MAP3K10: variants seen among roughly 807,000 people sequenced by gnomAD.
MAP3K10 encodes the protein mitogen-activated protein kinase kinase kinase 10.
A neutral mutation model predicts 75.0 loss-of-function variants in MAP3K10; 22 were observed. The observed-to-expected ratio is 0.29, with a 90% CI of 0.21 to 0.42. The LOEUF is 0.42. Among genes scored for constraint, MAP3K10 ranks in the 10% least tolerant of loss-of-function variants. The pLI is 1.00. For missense variants in MAP3K10, 1,165 were observed against 1,379.8 expected (o/e 0.84, Z 2.47); for synonymous variants, 599 against 612.9 (o/e 0.98, Z 0.34).
rs1236863075 is a variant in MAP3K10 at position 40,213,761 on chromosome 19, G to A, written c.2082G>A (p.Ala694=). ...AVGLGADVAE[A]RAADGEEQRR... is the part of the protein sequence containing the mutation. ...GCCTGGGCGCCGACGTGGCCGAGGC[G>A]CGCGCGGCCGACGGTGAGGAGCAGC... Residue 694 remains alanine (A), a synonymous_variant, in exon 9 of 10, where the codon GCG becomes GCA. Coordinates refer to ENST00000253055, the MANE Select transcript of MAP3K10 (RefSeq NM_002446.4). The surrounding 1 kb of genome is among the most constrained non-coding windows in gnomAD (Gnocchi z 5.7). The A allele has an allele frequency of 3.2e-5, 36 of 1,129,844 alleles. No homozygotes were observed. Among genetic ancestry groups the A allele is most frequent in the Non-Finnish European group, 3.9e-5 (36 of 919,916 alleles). 70.0% of individuals were successfully genotyped at this position (1,129,844 alleles called of 1,614,324 possible). A position where few individuals can be genotyped will look rare whatever the true frequency, so the allele number is the denominator to read the frequency against.
At position 40,209,219 on chromosome 19, in the gene MAP3K10, C is replaced by G. The variant is rs371759263; in HGVS notation, c.1552C>G (p.Leu518Val). 6.2e-7 allele frequency: 1 copy of G among 1,613,034 alleles called. No homozygotes were observed. The highest frequency in any genetic ancestry group is 1.7e-5 in the Admixed American group (1 of 60,000). The change falls in exon 6 of 10, where the codon CTG becomes GTG. Residue 518 changes from leucine to valine, a missense_variant and splice_region_variant. Leu to Val is a conservative substitution (Grantham distance 32, BLOSUM62 1). Transcript: ENST00000253055. ...SIIPRLRAIR[L>V]TPVDCGGSSS... is the part of the protein sequence containing the mutation. ...CATCCCCCGGCTGAGGGCCATTCGC[C>G]GTGAGTATCTCCCAAGGCCCTGACC...
At chr19:40,194,905 G>A (rs1444751785) in intron 1 of MAP3K10, among the ~76,000 whole-genome samples, 1 of 152,182 alleles carries the variant, frequency 6.6e-6, no homozygotes, top group Non-Finnish European at 1.5e-5. Context: ...AGTATCAGGG[G>A]CTCTCAGTGG....
rs1973295427 is a variant in MAP3K10, at chr19:40,213,981, G to A, written c.2302G>A (p.Glu768Lys). 3.9e-6 allele frequency: 6 copies of A among 1,531,414 alleles called. No homozygotes were observed. Among genetic ancestry groups the A allele is most frequent in the Admixed American group, 2.0e-5 (1 of 50,878 alleles). The allele number at this position is 1,531,414 out of a possible 1,614,324, so 94.9% of individuals were successfully genotyped here. A position where few individuals can be genotyped will look rare whatever the true frequency, so the allele number is the denominator to read the frequency against. Residue 768 changes from glutamate (E) to lysine (K), a missense_variant, in exon 9 of 10, where the codon GAG becomes AAG. Transcript: ENST00000253055. This position sits in a 1 kb window ranked among gnomAD's most constrained non-coding sequence, Gnocchi z 5.7. ...TRSLLRSDSDEAAPAAPSPPP... is the reference protein window; with the variant it reads ...TRSLLRSDSDKAAPAAPSPPP... ...TTCACTGCTGCGCTCTGACAGTGAC[G>A]AGGCCGCACCGGCCGCGCCCTCCCC...
rs1360968183 is a variant in MAP3K10, at chr19:40,209,363, C to G, written c.1552+144C>G. 5.5e-5 allele frequency: 31 copies of G among 561,434 alleles called. No individual in the cohort carries two copies. In the Admixed American group the frequency reaches 9.6e-4, roughly 17 times the overall value. 34.8% of individuals were successfully genotyped at this position (561,434 alleles called of 1,614,324 possible). On this transcript the variant is annotated intron_variant, in intron 6 of 9. Transcript: ENST00000253055. Reference sequence around the variant, plus strand: ...TTTTCCTCATTCTTATCACAGGAAACAGATAGTAAACAAATAAGTCAGTAA... The same window carrying G: ...TTTTCCTCATTCTTATCACAGGAAAGAGATAGTAAACAAATAAGTCAGTAA...
At chr19:40,210,160 G>T (rs768060231) in intron 6 of MAP3K10, among the ~76,000 whole-genome samples, 73 of 152,278 alleles carry the variant, frequency 4.8e-4, no homozygotes, top group Non-Finnish European at 9.0e-4. Flanking sequence ...CCAGCTACTC[G>T]GGAGGCTGAG....
At position 40,214,002 on chromosome 19, in the gene MAP3K10, T is replaced by TGCCCCCCCCCCCCCCCCCCCCCCCC; in HGVS notation, c.2323_2324insGCCCCCCCCCCCCCCCCCCCCCCCC (p.Ser775CysfsTer85). On this transcript the variant is annotated frameshift_variant, in exon 9 of 10. Coordinates refer to ENST00000253055, the MANE Select transcript of MAP3K10 (RefSeq NM_002446.4). LOFTEE classifies it high-confidence loss of function. The stretch of plus-strand genomic sequence containing the variant: ...TGACGAGGCCGCACCGGCCGCGCCC[T>TGCCCCCCCCCCCCCCCCCCCCCCCC]CCCCACCACCCTCCCCGCCCGCGCC... 4.6e-5 allele frequency: 68 copies of TGCCCCCCCCCCCCCCCCCCCCCCCC among 1,493,616 alleles called. No homozygotes were observed. The highest frequency in any genetic ancestry group is 4.2e-4 in the East Asian group (16 of 37,778). 92.5% of individuals were successfully genotyped at this position (1,493,616 alleles called of 1,614,324 possible).
In MAP3K10 at chr19:40,213,791, C is replaced by A; in HGVS notation, c.2112C>A (p.Arg704=). 1 of 1,257,042 alleles carries A rather than the reference C, an allele frequency of 8.0e-7. No homozygotes were observed. Among genetic ancestry groups the A allele is most frequent in the Non-Finnish European group, 1.0e-6 (1 of 995,620 alleles). 77.9% of individuals were successfully genotyped at this position (1,257,042 alleles called of 1,614,324 possible). A position where few individuals can be genotyped will look rare whatever the true frequency, so the allele number is the denominator to read the frequency against. The change falls in exon 9 of 10, where the codon CGC becomes CGA. Residue 704 remains arginine, a synonymous_variant. Coordinates refer to ENST00000253055, the MANE Select transcript of MAP3K10 (RefSeq NM_002446.4). The surrounding 1 kb of genome is among the most constrained non-coding windows in gnomAD (Gnocchi z 5.7). ...CGGCCGACGGTGAGGAGCAGCGGCG[C>A]TGGCTCGACGGCCTCTTCTTTCCCC... is the stretch of plus-strand genomic sequence containing the variant. ...ARAADGEEQR[R]WLDGLFFPRA... is the part of the protein sequence containing the mutation.
At position 40,205,539 on chromosome 19, in the gene MAP3K10, G is replaced by T; in HGVS notation, c.1188+243G>T. ...CTGGGGTTGGCTTTAAAATACTACAGCAGAAACGAAGAGAGGGCAAGAGGA... is the reference window on the plus strand; with the variant it reads ...CTGGGGTTGGCTTTAAAATACTACATCAGAAACGAAGAGAGGGCAAGAGGA... On this transcript the variant is annotated intron_variant, in intron 4 of 9. Coordinates refer to ENST00000253055, the MANE Select transcript of MAP3K10 (RefSeq NM_002446.4). This position sits in a 1 kb window ranked among gnomAD's most constrained non-coding sequence, Gnocchi z 4.3. 1.8e-6 allele frequency: 1 copy of T among 558,938 alleles called. No homozygotes were observed. Among genetic ancestry groups the T allele is most frequent in the South Asian group, 2.5e-5 (1 of 39,640 alleles). 34.6% of individuals were successfully genotyped at this position (558,938 alleles called of 1,614,324 possible). A position where few individuals can be genotyped will look rare whatever the true frequency, so the allele number is the denominator to read the frequency against.
rs367800918 is a variant in MAP3K10 at position 40,212,980 on chromosome 19, A to AGGTGT, written c.1724+13_1724+17dup. On this transcript the variant is annotated splice_donor_region_variant and intron_variant, in intron 7 of 9. Transcript: ENST00000253055. This position sits in a 1 kb window ranked among gnomAD's most constrained non-coding sequence, Gnocchi z 4.2. Reference sequence around the variant, plus strand: ...AGCGGGTGGGAGGAGAGGAGAGGTGAGGTGTGGTGTGGTCATGCCCACCCT... The same window carrying AGGTGT: ...AGCGGGTGGGAGGAGAGGAGAGGTGAGGTGTGGTGTGGTGTGGTCATGCCCACCCT... 33 of 1,598,722 alleles carry AGGTGT rather than the reference A, an allele frequency of 2.1e-5. No individual in the cohort carries two copies. In the African/African-American group the frequency reaches 2.5e-4, roughly 12 times the overall value.
In MAP3K10 at chr19:40,213,474, C is replaced by T. The variant is rs771714892; in HGVS notation, c.1838-43C>T. On this transcript the variant is annotated intron_variant, in intron 8 of 9. Transcript: ENST00000253055. The surrounding 1 kb of genome is among the most constrained non-coding windows in gnomAD (Gnocchi z 5.7). ...CCTTGGCACAAGTCCCCGTGGGGCC[C>T]TGGCCAGCCCTGCAGCGGAGTGATG... is the stretch of plus-strand genomic sequence containing the variant. The T allele has an allele frequency of 8.7e-6, 14 of 1,600,502 alleles. No individual in the cohort carries two copies. The highest frequency in any genetic ancestry group is 4.2e-6 in the Non-Finnish European group (5 of 1,176,672).
In MAP3K10 at chr19:40,214,002, TCCCCACCACCCTCCCC is replaced by T; in HGVS notation, c.2324_2339del (p.Ser775CysfsTer42). 1.3e-6 allele frequency: 2 copies of T among 1,493,662 alleles called. No individual in the cohort carries two copies. Among genetic ancestry groups the T allele is most frequent in the East Asian group, 2.6e-5 (1 of 37,786 alleles). The allele number at this position is 1,493,662 out of a possible 1,614,324, so 92.5% of individuals were successfully genotyped here. A position where few individuals can be genotyped will look rare whatever the true frequency, so the allele number is the denominator to read the frequency against. ...TGACGAGGCCGCACCGGCCGCGCCC[TCCCCACCACCCTCCCC>T]GCCCGCGCCCACACCCACGCCCTCG... On this transcript the variant is annotated frameshift_variant, in exon 9 of 10. Transcript: ENST00000253055. LOFTEE classifies it high-confidence loss of function.
intron 2 of MAP3K10, among the ~76,000 whole-genome samples, chr19:40,200,858 C>T (rs983756083): frequency 8.6e-5 from 13 of 151,998 alleles, no homozygotes; most frequent in Non-Finnish European, 1.8e-4. Context: ...GATCCGCCCG[C>T]CTCAGCCTCC....
Position 40,192,156 on chromosome 19 carries a change from G to A in MAP3K10, c.125G>A (p.Arg42His). 1 of 1,601,976 alleles carries A rather than the reference G, an allele frequency of 6.2e-7. No individual in the cohort carries two copies. Among genetic ancestry groups the A allele is most frequent in the Non-Finnish European group, 8.5e-7 (1 of 1,175,486 alleles). ...DEELTLRRGD[R>H]VQVLSQDCAV... ...GAGCTGACCCTGCGGAGGGGCGATC[G>A]CGTCCAGGTGCTTTCCCAAGACTGT... The change falls in exon 1 of 10, where the codon CGC (arginine) becomes CAC (histidine). Residue 42 changes from arginine to histidine, a missense_variant. This residue lies in a region of MAP3K10 where 575 missense variants were observed against 793.2 expected (regional missense o/e 0.72). Coordinates refer to ENST00000253055, the MANE Select transcript of MAP3K10 (RefSeq NM_002446.4). This position sits in a 1 kb window ranked among gnomAD's most constrained non-coding sequence, Gnocchi z 7.1.
intron 5 of MAP3K10, among the ~76,000 whole-genome samples, chr19:40,208,362 T>TTTTTTTTTTTTTTTTTTTTA (rs1568492151): frequency 8.6e-6 from 1 of 116,356 alleles, no homozygotes; most frequent in African/African-American, 3.5e-5. Flanking sequence ...TTTTTTTTTT[T>TTTTTTTTTTTTTTTTTTTTA]TTTTTTTGTA....
Position 40,212,404 on chromosome 19 carries a change from A to G in MAP3K10, c.1553-401A>G, listed in dbSNP as rs1467247681. ...GGACACAGAGACAAATACCCATACCATGGCAGCAAACACTGGCACCAGATA... is the reference window on the plus strand; with the variant it reads ...GGACACAGAGACAAATACCCATACCGTGGCAGCAAACACTGGCACCAGATA... On this transcript the variant is annotated intron_variant, in intron 6 of 9. Transcript: ENST00000253055. This position sits in a 1 kb window ranked among gnomAD's most constrained non-coding sequence, Gnocchi z 4.2. Among the ~76,000 whole-genome samples, 2 of 152,160 alleles carry G rather than the reference A, an allele frequency of 1.3e-5. No individual in the cohort carries two copies. The highest frequency in any genetic ancestry group is 1.3e-4 in the Admixed American group (2 of 15,274).
In MAP3K10 at chr19:40,198,567, C is replaced by G. The variant is rs779961088; in HGVS notation, c.863+12C>G. 1.3e-6 allele frequency: 2 copies of G among 1,599,802 alleles called. No homozygotes were observed. Among genetic ancestry groups the G allele is most frequent in the African/African-American group, 2.7e-5 (2 of 74,678 alleles). ...AGTGATGTCTGGAGGTGCTGAAAGGCGCGGCCGGGATGGCCTCTGGGGAGT... is the reference window on the plus strand; with the variant it reads ...AGTGATGTCTGGAGGTGCTGAAAGGGGCGGCCGGGATGGCCTCTGGGGAGT... On this transcript the variant is annotated intron_variant, in intron 2 of 9. Transcript: ENST00000253055. The surrounding 1 kb of genome is among the most constrained non-coding windows in gnomAD (Gnocchi z 4.3).
chr19:40,205,845 C>G lies in MAP3K10; in HGVS notation c.1189-66C>G, dbSNP rs1973109393. 6.9e-7 allele frequency: 1 copy of G among 1,445,046 alleles called. No homozygotes were observed. Among genetic ancestry groups the G allele is most frequent in the African/African-American group, 1.4e-5 (1 of 70,036 alleles). The allele number at this position is 1,445,046 out of a possible 1,614,324, so 89.5% of individuals were successfully genotyped here. A position where few individuals can be genotyped will look rare whatever the true frequency, so the allele number is the denominator to read the frequency against. Reference sequence around the variant, plus strand: ...GAGGCACCAACCAGACGCAGCAGCCCTGGGTCCCTCCCCAGGAAGCAGAGC... The same window carrying G: ...GAGGCACCAACCAGACGCAGCAGCCGTGGGTCCCTCCCCAGGAAGCAGAGC... On this transcript the variant is annotated intron_variant, in intron 4 of 9. Transcript: ENST00000253055. The surrounding 1 kb of genome is among the most constrained non-coding windows in gnomAD (Gnocchi z 4.3).
Position 40,198,698 on chromosome 19 carries a change from C to G in MAP3K10, c.863+143C>G, listed in dbSNP as rs1229044525. The G allele has an allele frequency of 3.9e-6, 3 of 775,646 alleles. No individual in the cohort carries two copies. In the African/African-American group the frequency reaches 5.3e-5, roughly 14 times the overall value. 48.0% of individuals were successfully genotyped at this position (775,646 alleles called of 1,614,324 possible). Reference sequence around the variant, plus strand: ...CTGCTGGCAAGGTCAGGCCACCAGACAAGTGCCAGTTACCTGTTCAGCTAG... The same window carrying G: ...CTGCTGGCAAGGTCAGGCCACCAGAGAAGTGCCAGTTACCTGTTCAGCTAG... On this transcript the variant is annotated intron_variant, in intron 2 of 9. Transcript: ENST00000253055. This position sits in a 1 kb window ranked among gnomAD's most constrained non-coding sequence, Gnocchi z 4.3.
At chr19:40,208,042 G>C (rs1973155617) in intron 5 of MAP3K10, among the ~76,000 whole-genome samples, 1 of 151,768 alleles carries the variant, frequency 6.6e-6, no homozygotes, top group African/African-American at 2.4e-5. Context: ...AAAAATATTG[G>C]ATCTGTATTT....
Sources: allele counts gnomAD v4.1 joint callset (sites outside exome capture counted in the v4.1 genomes callset), GRCh38; gene constraint gnomAD v4.1.1; regional missense constraint gnomAD v4.1.1; non-coding constraint Gnocchi (gnomAD v3.1); transcripts MANE v1.5; gene names NCBI Gene and HGNC (gene_info 2026-07-23, HGNC 2026-07-21).